The following ST7 variants were observed in gnomAD, a reference collection of about 807,000 sequenced individuals.
The protein encoded by ST7 is suppression of tumorigenicity 7.
In ST7, 28 loss-of-function variants were observed where a neutral mutation model predicts 78.7. The ratio of observed to expected loss-of-function variants is 0.36; its 90% CI spans 0.26 to 0.49. The LOEUF (loss-of-function observed/expected upper bound fraction) is 0.49, where lower values mean the gene tolerates loss of function less well. Ranked by LOEUF, ST7 falls within the 20% of genes least tolerant of loss-of-function variation. The pLI is 0.99. For missense variants in ST7, 418 were observed against 696.0 expected, an observed-to-expected ratio of 0.60 and a Z score of 4.49; for synonymous variants, 247 against 249.6, an observed-to-expected ratio of 0.99 and a Z score of 0.10.
intron 1 of ST7, among the ~76,000 whole-genome samples, chr7:117,042,099 T>C (rs1469349156): frequency 6.6e-6 from 1 of 152,248 alleles, no homozygotes; most frequent in Non-Finnish European, 1.5e-5. Flanking sequence ...ACGTATTTTC[T>C]CCTCTTTATT....
intron 10 of ST7, among the ~76,000 whole-genome samples, chr7:117,177,185 T>G (rs1808405043): frequency 6.6e-6 from 1 of 152,210 alleles, no homozygotes; most frequent in Non-Finnish European, 1.5e-5. Context: ...AGAGGACTAG[T>G]CCTTTGAGGT....
Position 117,097,285 on chromosome 7 carries a change from A to G in ST7, c.152-2477A>G, listed in dbSNP as rs951264633. Among the ~76,000 whole-genome samples the G allele has an allele frequency of 4.6e-5, 7 of 151,744 alleles. No homozygotes were observed. In the East Asian group the frequency reaches 1.4e-3, roughly 29 times the overall value. ...CTGAAAGGTATATGGTACAGATATG[A>G]ATGTTTATAATTACAGAATAACAAA... On this transcript the variant is annotated intron_variant, in intron 1 of 15. Coordinates refer to ENST00000323984, the MANE Select transcript of ST7 (RefSeq NM_001369598.1).
At chr7:117,132,007 G>A in intron 6 of ST7, 47 bp downstream of exon 6, 5 of 1,504,996 alleles carry the variant, frequency 3.3e-6, no homozygotes, top group Non-Finnish European at 4.6e-6. Flanking sequence ...CTCATCCTTT[G>A]CTGAATATAT....
At chr7:117,183,309 C>T (rs1808939255) in intron 10 of ST7, among the ~76,000 whole-genome samples, 1 of 151,724 alleles carries the variant, frequency 6.6e-6, no homozygotes, top group African/African-American at 2.4e-5. Flanking sequence ...ACCTATAGTC[C>T]CAGCTACTTG....
At chr7:117,180,172 C>T (rs550839801) in intron 10 of ST7, among the ~76,000 whole-genome samples, 206 of 152,268 alleles carry the variant, frequency 1.4e-3, no homozygotes, top group African/African-American at 4.5e-3. Flanking sequence ...TGTAGACCCA[C>T]CATAACCCAC....
chr7:116,966,197 G>A, intron 1 of ST7: 1 of 282,708 alleles, frequency 3.5e-6, no homozygotes. Flanking sequence ...CTTATTTGTT[G>A]CAGTTATTAA....
intron 12 of ST7, among the ~76,000 whole-genome samples, chr7:117,203,708 C>T (rs573207269): frequency 9.2e-5 from 14 of 152,116 alleles, no homozygotes; most frequent in Non-Finnish European, 1.8e-4. Context: ...ATTCTTTCTC[C>T]ATACATTCTC....
At position 117,216,890 on chromosome 7, in the gene ST7, G is replaced by C. The variant is rs542613450; in HGVS notation, c.1406-2194G>C. Among the ~76,000 whole-genome samples the C allele has an allele frequency of 2.0e-5, 3 of 152,070 alleles. No individual in the cohort carries two copies. The South Asian group carries it at 6.2e-4, about 32-fold the overall frequency. ...GGGAAGAGGGTGTGGGTGGGTGGGT[G>C]GCTGTGTGTACACATGCACTCTTTT... On this transcript the variant is annotated intron_variant, in intron 13 of 15. Coordinates refer to ENST00000323984, the MANE Select transcript of ST7 (RefSeq NM_001369598.1).
intron 1 of ST7, among the ~76,000 whole-genome samples, chr7:117,006,483 T>A (rs546025468): frequency 2.0e-5 from 3 of 152,362 alleles, no homozygotes; most frequent in African/African-American, 7.2e-5. Context: ...CTTCTTTATA[T>A]TTTTATGTCT....
chr7:116,968,383 C>T, intron 1 of ST7: 1 of 431,874 alleles, frequency 2.3e-6, no homozygotes. Flanking sequence ...CTTCTTTTTG[C>T]TTCTTCTTGA....
intron 1 of ST7, chr7:116,972,476 G>T: frequency 1.2e-6 from 1 of 842,880 alleles, no homozygotes; most frequent in Non-Finnish European, 2.0e-6. Flanking sequence ...AGCTCAGTTT[G>T]TTCCTCTGTG....
chr7:117,162,913 CT>C (rs1584496869), intron 9 of ST7, among the ~76,000 whole-genome samples: 2 of 152,112 alleles, frequency 1.3e-5, no homozygotes, highest in South Asian at 2.1e-4. Context: ...ACAAATCTCT[CT>C]CTATCCCTCC....
chr7:117,119,726 G>T lies in ST7; in HGVS notation c.394+6G>T. ...CAATAGGCAAAGTGTCTCAGGTATG[G>T]AATTTCCTTCAGTTTGCAATATTAT... On this transcript the variant is annotated splice_donor_region_variant and intron_variant, in intron 3 of 15. Transcript: ENST00000323984. 1 of 1,609,256 alleles carries T rather than the reference G, an allele frequency of 6.2e-7. No individual in the cohort carries two copies. The highest frequency in any genetic ancestry group is 1.1e-5 in the South Asian group (1 of 89,556).
chr7:117,222,818 G>A (rs1337978428), intron 15 of ST7: 1 of 1,456,824 alleles, frequency 6.9e-7, no homozygotes, highest in East Asian at 2.3e-5. Flanking sequence ...CAATCAGAAA[G>A]GATGATTTCT....
intron 1 of ST7, chr7:116,972,899 T>G: frequency 1.5e-6 from 2 of 1,337,792 alleles, no homozygotes; most frequent in Non-Finnish European, 1.1e-6. Flanking sequence ...TCGATGGTGG[T>G]GATCCCAGCC....
intron 2 of ST7, among the ~76,000 whole-genome samples, chr7:117,109,106 T>C (rs1014155075): frequency 6.6e-6 from 1 of 152,206 alleles, no homozygotes; most frequent in African/African-American, 2.4e-5. Context: ...TTCTCTTGTC[T>C]GATTGCTGTG....
intron 12 of ST7, among the ~76,000 whole-genome samples, chr7:117,201,639 G>A (rs926784653): frequency 2.0e-5 from 3 of 151,366 alleles, no homozygotes; most frequent in Non-Finnish European, 2.9e-5. Flanking sequence ...GCTCACTGCA[G>A]CCTCGACCTC....
chr7:116,996,975 G>A (rs919488462), intron 1 of ST7, among the ~76,000 whole-genome samples: 8 of 152,258 alleles, frequency 5.3e-5, no homozygotes, highest in Middle Eastern at 6.8e-3. Flanking sequence ...AATTGTGTCC[G>A]GAATTCGTGG....
chr7:117,226,132 G>T (rs1021721710), intron 15 of ST7, among the ~76,000 whole-genome samples: 2 of 151,956 alleles, frequency 1.3e-5, no homozygotes, highest in African/African-American at 4.8e-5. Flanking sequence ...ATTGATTACC[G>T]TGAAATGTCA....
Sources: gnomAD v4.1 joint callset for allele counts (sites outside exome capture counted in the v4.1 genomes callset) on GRCh38, gnomAD v4.1.1 for gene constraint, MANE v1.5 for transcripts, NCBI Gene and HGNC (gene_info 2026-07-23, HGNC 2026-07-21) for gene names.